Variants in HECW2 observed in about 807,000 individuals in gnomAD.
HECW2 encodes HECT, C2 and WW domain containing E3 ubiquitin protein ligase 2, also known as E3 ubiquitin-protein ligase HECW2.
A neutral mutation model predicts 175.2 loss-of-function variants in HECW2; 61 were observed. That is an observed-to-expected ratio of 0.35 (90% CI 0.28 to 0.43). The LOEUF (loss-of-function observed/expected upper bound fraction) is 0.43, where lower values mean the gene tolerates loss of function less well. Ranked by LOEUF, HECW2 falls within the 20% of genes least tolerant of loss-of-function variation. HECW2 has a pLI of 1.00. For synonymous variants in HECW2, 671 were observed against 731.0 expected (o/e 0.92, Z 1.32); for missense variants, 1,524 against 2,000.5 (o/e 0.76, Z 4.54).
At chr2:196,336,077 A>G (rs2124383) in intron 3 of HECW2, among the ~76,000 whole-genome samples, 34,399 of 152,134 alleles carry the variant, frequency 0.23, 4,506 homozygotes, top group African/African-American at 0.36. Context: ...AAATGGGGCT[A>G]GAGAGAGTTA....
intron 28 of HECW2, among the ~76,000 whole-genome samples, chr2:196,212,389 C>G (rs978527478): frequency 6.6e-6 from 1 of 152,162 alleles, no homozygotes; most frequent in East Asian, 1.9e-4. Flanking sequence ...AGTGTTATTC[C>G]CCTCTATGTG....
intron 1 of HECW2, among the ~76,000 whole-genome samples, chr2:196,459,283 C>T (rs1297024115): frequency 6.6e-6 from 1 of 151,910 alleles, no homozygotes; most frequent in Non-Finnish European, 1.5e-5. Context: ...GAGATGTAGA[C>T]TATGAGAAAT....
At chr2:196,499,563 CT>C (rs905227118) in intron 1 of HECW2, among the ~76,000 whole-genome samples, 1 of 152,096 alleles carries the variant, frequency 6.6e-6, no homozygotes, top group Non-Finnish European at 1.5e-5. Flanking sequence ...GGAGGCTTAA[CT>C]TTTTTCTTAG....
At chr2:196,501,538 A>G (rs1272221471) in intron 1 of HECW2, among the ~76,000 whole-genome samples, 2 of 152,200 alleles carry the variant, frequency 1.3e-5, no homozygotes, top group African/African-American at 4.8e-5. Context: ...GGCATGAGCC[A>G]CCATGCCTGG....
chr2:196,503,921 C>A (rs1401134327), intron 1 of HECW2, among the ~76,000 whole-genome samples: 1 of 152,212 alleles, frequency 6.6e-6, no homozygotes, highest in African/African-American at 2.4e-5. Flanking sequence ...AACTGCAGAA[C>A]CACCAACCCA....
intron 13 of HECW2, among the ~76,000 whole-genome samples, chr2:196,298,165 A>G (rs1454426502): frequency 6.6e-6 from 1 of 152,246 alleles, no homozygotes; most frequent in African/African-American, 2.4e-5. Context: ...TCAGTTGAAT[A>G]TAATGAAATA....
chr2:196,579,928 T>A (rs147478104), intron 1 of HECW2, among the ~76,000 whole-genome samples: 1 of 152,158 alleles, frequency 6.6e-6, no homozygotes, highest in African/African-American at 2.4e-5. Context: ...TGCAAGAAAA[T>A]AAATTTCTGT....
At chr2:196,444,511 C>T (rs990486029) in intron 1 of HECW2, among the ~76,000 whole-genome samples, 6 of 152,190 alleles carry the variant, frequency 3.9e-5, no homozygotes, top group Non-Finnish European at 8.8e-5. Flanking sequence ...CACAACAGCA[C>T]TAAGCCAAGT....
chr2:196,541,604 C>T (rs1489369866), intron 1 of HECW2, among the ~76,000 whole-genome samples: 2 of 152,026 alleles, frequency 1.3e-5, no homozygotes, highest in Non-Finnish European at 2.9e-5. Flanking sequence ...GATGCAGACT[C>T]AAAGAGAAGA....
At chr2:196,333,241 C>T (rs919340402) in intron 4 of HECW2, among the ~76,000 whole-genome samples, 8 of 151,972 alleles carry the variant, frequency 5.3e-5, no homozygotes, top group African/African-American at 1.5e-4. Flanking sequence ...ACCAGACCTA[C>T]GAGATCAATG....
chr2:196,489,145 G>C (rs1292749082), intron 1 of HECW2, among the ~76,000 whole-genome samples: 1 of 152,126 alleles, frequency 6.6e-6, no homozygotes, highest in African/African-American at 2.4e-5. Flanking sequence ...TAAGTCCTTG[G>C]CATTGTTTTG....
At chr2:196,400,762 T>C (rs537697985) in intron 2 of HECW2, among the ~76,000 whole-genome samples, 92 of 150,812 alleles carry the variant, frequency 6.1e-4, no homozygotes, top group Non-Finnish European at 1.0e-3. Flanking sequence ...CAAGACCAAA[T>C]AGTGACTCTT....
intron 19 of HECW2, among the ~76,000 whole-genome samples, chr2:196,253,599 G>A (rs1463014697): frequency 1.3e-5 from 2 of 152,102 alleles, no homozygotes; most frequent in African/African-American, 2.4e-5. Context: ...TATCAAAAAA[G>A]TTCTCTTCAC....
At chr2:196,425,841 G>A (rs962215731) in intron 2 of HECW2, among the ~76,000 whole-genome samples, 1 of 152,046 alleles carries the variant, frequency 6.6e-6, no homozygotes, top group Non-Finnish European at 1.5e-5. Flanking sequence ...CTAGCAGCAG[G>A]GTTTGAAAAG....
At chr2:196,223,821 G>A (rs1575247628) in intron 23 of HECW2, among the ~76,000 whole-genome samples, 1 of 152,256 alleles carries the variant, frequency 6.6e-6, no homozygotes, top group South Asian at 2.1e-4. Context: ...TAAGATAAGG[G>A]CTCTAACTAG....
chr2:196,473,465 T>C (rs2125356322), intron 1 of HECW2, among the ~76,000 whole-genome samples: 1 of 152,328 alleles, frequency 6.6e-6, no homozygotes, highest in African/African-American at 2.4e-5. Context: ...AAACCACTGT[T>C]AGGGATGACC....
intron 19 of HECW2, among the ~76,000 whole-genome samples, chr2:196,245,556 G>C (rs556858485): frequency 1.3e-5 from 2 of 152,302 alleles, no homozygotes; most frequent in African/African-American, 2.4e-5. Flanking sequence ...CCACACGTGT[G>C]GATGAGCTGA....
intron 13 of HECW2, among the ~76,000 whole-genome samples, chr2:196,301,739 T>C (rs961808746): frequency 2.1e-5 from 3 of 143,946 alleles, no homozygotes; most frequent in Non-Finnish European, 3.1e-5. Context: ...TTTTTTTTTT[T>C]TTCTTGTAGA....
chr2:196,262,368 T>C (rs1689329936), intron 17 of HECW2, among the ~76,000 whole-genome samples: 9 of 151,994 alleles, frequency 5.9e-5, no homozygotes, highest in Admixed American at 5.9e-4. Flanking sequence ...TCAACCTCAG[T>C]GGTAATATAA....
Sources: allele counts gnomAD v4.1 joint callset (sites outside exome capture counted in the v4.1 genomes callset), GRCh38; gene constraint gnomAD v4.1.1; transcripts MANE v1.5; gene names NCBI Gene and HGNC (gene_info 2026-07-23, HGNC 2026-07-21).